The following PRORP variants were observed in gnomAD, a reference collection of about 807,000 sequenced individuals.
PRORP encodes protein only RNase P catalytic subunit.
PRORP carries 51 observed loss-of-function variants against 59.4 expected under a neutral mutation model. That is an observed-to-expected ratio of 0.86 (90% CI 0.69 to 1.08). The LOEUF (loss-of-function observed/expected upper bound fraction) is 1.08, where lower values mean the gene tolerates loss of function less well. Ranked by LOEUF, PRORP falls within the 50% of genes least tolerant of loss-of-function variation. The probability of loss-of-function intolerance (pLI) is 0.00; values close to 1 mark genes in which losing one functional copy is unlikely to be tolerated. For missense variants in PRORP, 646 were observed against 690.3 expected, an observed-to-expected ratio of 0.94 and a Z score of 0.72; for synonymous variants, 231 against 245.6, an observed-to-expected ratio of 0.94 and a Z score of 0.55.
chr14:35,247,624 T>A (rs1368152818), intron 5 of PRORP, among the ~76,000 whole-genome samples: 1 of 152,154 alleles, frequency 6.6e-6, no homozygotes, highest in Non-Finnish European at 1.5e-5. Context: ...AGTGAGCAAA[T>A]TATTCCTTAT....
At chr14:35,224,379 T>G (rs538810551) in intron 5 of PRORP, among the ~76,000 whole-genome samples, 36 of 152,268 alleles carry the variant, frequency 2.4e-4, no homozygotes, top group Non-Finnish European at 4.3e-4. Flanking sequence ...TCAAAGTGCT[T>G]TATGAACAGT....
intron 7 of PRORP, among the ~76,000 whole-genome samples, chr14:35,272,501 T>C (rs185802657): frequency 6.6e-6 from 1 of 152,246 alleles, no homozygotes; most frequent in African/African-American, 2.4e-5. Flanking sequence ...GTAAATGTGG[T>C]ATTAAATGAT....
chr14:35,206,404 C>T (rs1017149025), intron 5 of PRORP, among the ~76,000 whole-genome samples: 1 of 152,100 alleles, frequency 6.6e-6, no homozygotes, highest in Non-Finnish European at 1.5e-5. Context: ...AAGATAATCA[C>T]GATAACATTA....
chr14:35,154,172 G>A (rs2047853534), intron 4 of PRORP, among the ~76,000 whole-genome samples: 1 of 152,156 alleles, frequency 6.6e-6, no homozygotes, highest in South Asian at 2.1e-4. Flanking sequence ...TTTCCTAGTG[G>A]GAACAGAGAT....
At chr14:35,256,156 C>T (rs953562339) in intron 5 of PRORP, among the ~76,000 whole-genome samples, 3 of 149,942 alleles carry the variant, frequency 2.0e-5, no homozygotes, top group Non-Finnish European at 1.5e-5. Flanking sequence ...TGGTGGCAGG[C>T]ACCTGTAATC....
intron 4 of PRORP, among the ~76,000 whole-genome samples, chr14:35,132,773 T>G (rs1595165772): frequency 1.1e-4 from 13 of 114,034 alleles, no homozygotes; most frequent in Admixed American, 4.7e-4. Flanking sequence ...GGCGACAGAG[T>G]GAGACTCCAT....
chr14:35,253,343 A>G (rs575979910), intron 5 of PRORP, among the ~76,000 whole-genome samples: 8,415 of 142,864 alleles, frequency 0.059, 320 homozygotes, highest in Middle Eastern at 0.11. Context: ...AAAAAAAAAA[A>G]AGAGAGAGAG....
At chr14:35,195,605 T>C (rs529888431) in intron 5 of PRORP, among the ~76,000 whole-genome samples, 1 of 152,232 alleles carries the variant, frequency 6.6e-6, no homozygotes, top group South Asian at 2.1e-4. Flanking sequence ...GATAAGAAAC[T>C]AAAATAAATC....
chr14:35,208,497 T>G (rs2049352977), intron 5 of PRORP, among the ~76,000 whole-genome samples: 1 of 152,214 alleles, frequency 6.6e-6, no homozygotes, highest in Admixed American at 6.5e-5. Flanking sequence ...ATTTAAAAAG[T>G]TAAAATTAAC....
At chr14:35,124,829 G>A (rs1035291918) in intron 2 of PRORP, among the ~76,000 whole-genome samples, 2 of 149,416 alleles carry the variant, frequency 1.3e-5, no homozygotes, top group African/African-American at 4.9e-5. Flanking sequence ...GAAATCTAGC[G>A]ACTGAGATAA....
intron 4 of PRORP, among the ~76,000 whole-genome samples, chr14:35,171,083 A>G (rs1450859198): frequency 6.6e-6 from 1 of 152,124 alleles, no homozygotes; most frequent in Admixed American, 6.5e-5. Flanking sequence ...TCCCGACCTC[A>G]GGTGATCCAC....
In PRORP at chr14:35,152,764, G is replaced by A. The variant is rs368994735; in HGVS notation, c.1167+25153G>A. Among the ~76,000 whole-genome samples the A allele has an allele frequency of 2.8e-4, 42 of 151,940 alleles. No homozygotes were observed. The East Asian group carries it at 7.4e-3, about 27-fold the overall frequency. ...TCACCTCCCAGACGGGGTGGCGGCC[G>A]GGCAGAGGCGCTCCTCACATCCCAG... On this transcript the variant is annotated intron_variant, in intron 4 of 7. Coordinates refer to ENST00000534898, the MANE Select transcript of PRORP (RefSeq NM_014672.4).
At chr14:35,191,061 G>A (rs1285325123) in intron 5 of PRORP, among the ~76,000 whole-genome samples, 7 of 152,060 alleles carry the variant, frequency 4.6e-5, no homozygotes, top group Non-Finnish European at 7.4e-5. Context: ...ACAAAGCCAG[G>A]CATGGTAGCA....
rs1227930406 is a variant in PRORP at position 35,240,830 on chromosome 14, T to C, written c.1276-25897T>C. ...TATGGTAGCTACTAGCCAGTGGGTC[T>C]GTTGAGCACTTGAAATGTGGCTGAC... On this transcript the variant is annotated intron_variant, in intron 5 of 7. Transcript: ENST00000534898. Among the ~76,000 whole-genome samples the C allele has an allele frequency of 2.6e-5, 4 of 152,318 alleles. No homozygotes were observed. In the East Asian group the frequency reaches 7.7e-4, roughly 29 times the overall value.
intron 4 of PRORP, among the ~76,000 whole-genome samples, chr14:35,148,014 C>T (rs2047652645): frequency 6.6e-6 from 1 of 152,202 alleles, no homozygotes; most frequent in Admixed American, 6.5e-5. Context: ...CTATTTCCAC[C>T]ATATCTGCAG....
At chr14:35,241,314 G>T (rs1052604091) in intron 5 of PRORP, among the ~76,000 whole-genome samples, 1 of 151,996 alleles carries the variant, frequency 6.6e-6, no homozygotes, top group Non-Finnish European at 1.5e-5. Context: ...GGAAGCAGAG[G>T]TTGCAGTGAG....
Position 35,127,560 on chromosome 14 carries a change from C to G in PRORP, c.1116C>G (p.Ile372Met). ...AATATGAATGTCTTAAGGGAAAAAT[C>G]ATGAGGGATGTGATAGATGGAGGTG... ...PEEYECLKGK[I>M]MRDVIDGGDQ... The change falls in exon 4 of 8, where the codon ATC becomes ATG. Residue 372 changes from isoleucine to methionine, a missense_variant. Transcript: ENST00000534898. The G allele has an allele frequency of 1.2e-6, 2 of 1,613,912 alleles. No individual in the cohort carries two copies. The highest frequency in any genetic ancestry group is 1.7e-6 in the Non-Finnish European group (2 of 1,179,888).
At chr14:35,126,828 A>G in intron 3 of PRORP, 46 bp downstream of exon 3, 1 of 1,435,958 alleles carries the variant, frequency 7.0e-7, no homozygotes, top group South Asian at 1.2e-5. Flanking sequence ...TTGGTTTAGT[A>G]GGTTTTGTTG....
intron 4 of PRORP, among the ~76,000 whole-genome samples, chr14:35,151,343 A>T (rs539617559): frequency 6.6e-6 from 1 of 152,098 alleles, no homozygotes; most frequent in Non-Finnish European, 1.5e-5. Context: ...GAAGACAGAC[A>T]GCTTACTTCT....
Sources: allele counts gnomAD v4.1 joint callset (sites outside exome capture counted in the v4.1 genomes callset), GRCh38; gene constraint gnomAD v4.1.1; transcripts MANE v1.5; gene names NCBI Gene and HGNC (gene_info 2026-07-23, HGNC 2026-07-21).